Variants in PPP2R2C observed in about 807,000 individuals in gnomAD.
PPP2R2C encodes protein phosphatase 2 regulatory subunit Bgamma.
PPP2R2C carries 10 observed loss-of-function variants against 45.3 expected under a neutral mutation model. The observed-to-expected ratio is 0.22, with a 90% CI of 0.14 to 0.37. The LOEUF is 0.37. Ranked by LOEUF, PPP2R2C falls within the 10% of genes least tolerant of loss-of-function variation. The pLI, the probability that PPP2R2C is intolerant of heterozygous loss-of-function variation, is 1.00. For synonymous variants in PPP2R2C, 257 were observed against 245.4 expected, an observed-to-expected ratio of 1.05 and a Z score of -0.44; for missense variants, 308 against 619.7, an observed-to-expected ratio of 0.50 and a Z score of 5.34.
intron 2 of PPP2R2C, among the ~76,000 whole-genome samples, chr4:6,527,703 C>T (rs1472774805): frequency 6.6e-6 from 1 of 152,048 alleles, no homozygotes; most frequent in African/African-American, 2.4e-5. Context: ...CAGAATTTTC[C>T]AGGCCCGGTG....
At chr4:6,469,330 A>G (rs1721742186) in intron 1 of PPP2R2C, among the ~76,000 whole-genome samples, 1 of 152,174 alleles carries the variant, frequency 6.6e-6, no homozygotes, top group Non-Finnish European at 1.5e-5. Context: ...CCCTGAAGCA[A>G]GAAAGAAAAT....
chr4:6,420,903 T>C (rs1174234448), intron 1 of PPP2R2C: 3 of 976,440 alleles, frequency 3.1e-6, no homozygotes, highest in Non-Finnish European at 3.7e-6. Flanking sequence ...TGGTAGATGA[T>C]GTCCCATCAT....
chr4:6,384,317 T>C lies in PPP2R2C; in HGVS notation c.71-3223A>G, dbSNP rs915320643. 4.1e-6 allele frequency: 4 copies of C among 985,316 alleles called. No homozygotes were observed. In the African/African-American group the frequency reaches 7.0e-5, roughly 17 times the overall value. The allele number at this position is 985,316 out of a possible 1,614,324, so 61.0% of individuals were successfully genotyped here. On this transcript the variant is annotated intron_variant, in intron 1 of 8. Transcript: ENST00000382599. ...TGCTTGTAATGATCTACATCAGTGA[T>C]TATAGCCATGTGAAATAAGCAAAGA...
At chr4:6,544,431 C>T (rs947321043) in intron 1 of PPP2R2C, among the ~76,000 whole-genome samples, 1 of 152,210 alleles carries the variant, frequency 6.6e-6, no homozygotes, top group Admixed American at 6.5e-5. Context: ...CAGCCCCAAA[C>T]TCCTGGGCTC....
chr4:6,522,091 G>A (rs1173383068), intron 2 of PPP2R2C, among the ~76,000 whole-genome samples: 2 of 152,028 alleles, frequency 1.3e-5, no homozygotes, highest in Non-Finnish European at 2.9e-5. Context: ...GAAATGCACC[G>A]CTCCTGCCTG....
At chr4:6,341,320 T>G (rs564569884) in intron 6 of PPP2R2C, among the ~76,000 whole-genome samples, 9 of 118,938 alleles carry the variant, frequency 7.6e-5, no homozygotes, top group African/African-American at 3.0e-4. Flanking sequence ...GCCTGGGCAA[T>G]AGAATGAGAC....
chr4:6,431,344 T>C (rs1241524378), intron 1 of PPP2R2C, among the ~76,000 whole-genome samples: 8 of 152,218 alleles, frequency 5.3e-5, no homozygotes, highest in Non-Finnish European at 8.8e-5. Context: ...AAAGCTAATA[T>C]GAGGGGCTCC....
At chr4:6,521,226 T>G (rs924746058) in intron 2 of PPP2R2C, among the ~76,000 whole-genome samples, 2 of 152,218 alleles carry the variant, frequency 1.3e-5, no homozygotes, top group African/African-American at 4.8e-5. Context: ...GTTCCAGCCC[T>G]GTGCCCTAGG....
chr4:6,527,957 C>T (rs1424614423), intron 2 of PPP2R2C, among the ~76,000 whole-genome samples: 2 of 152,220 alleles, frequency 1.3e-5, no homozygotes, highest in East Asian at 3.9e-4. Context: ...GCCCAGACTC[C>T]AAGCCCCAGG....
chr4:6,445,689 A>G (rs991754519), intron 1 of PPP2R2C, among the ~76,000 whole-genome samples: 18 of 152,244 alleles, frequency 1.2e-4, no homozygotes, highest in African/African-American at 4.3e-4. Context: ...ACGGTACTCT[A>G]GTCTGGGTGA....
chr4:6,516,325 G>C (rs891835248), intron 2 of PPP2R2C, among the ~76,000 whole-genome samples: 1 of 152,222 alleles, frequency 6.6e-6, no homozygotes, highest in African/African-American at 2.4e-5. Context: ...CCTGAAAAGA[G>C]GATGATGACA....
intron 1 of PPP2R2C, among the ~76,000 whole-genome samples, chr4:6,450,694 G>T (rs933564370): frequency 6.6e-6 from 1 of 152,210 alleles, no homozygotes; most frequent in Non-Finnish European, 1.5e-5. Flanking sequence ...TTTGGTGTCT[G>T]CAGGCCTGGG....
chr4:6,382,638 C>G (rs1306700693), intron 1 of PPP2R2C: 188 of 97,564 alleles, frequency 1.9e-3, no homozygotes, highest in Non-Finnish European at 3.1e-3. Context: ...CTCTCTCTCT[C>G]TCTCTCTCTC....
intron 1 of PPP2R2C, among the ~76,000 whole-genome samples, chr4:6,401,213 C>A (rs570039091): frequency 2.0e-5 from 3 of 152,116 alleles, no homozygotes; most frequent in Non-Finnish European, 4.4e-5. Context: ...CTGAGAAAAA[C>A]CAACCCAGGT....
intron 2 of PPP2R2C, among the ~76,000 whole-genome samples, chr4:6,517,902 G>A (rs1167175358): frequency 6.6e-6 from 1 of 152,172 alleles, no homozygotes; most frequent in African/African-American, 2.4e-5. Flanking sequence ...ATAAAACTGA[G>A]GCTCAGCTAA....
intron 1 of PPP2R2C, chr4:6,381,476 A>C: frequency 7.3e-7 from 1 of 1,366,140 alleles, no homozygotes; most frequent in South Asian, 1.5e-5. Context: ...CCAGGCCCCC[A>C]TGCTCCAGCA....
At chr4:6,530,882 C>G (rs567426261) in intron 2 of PPP2R2C, among the ~76,000 whole-genome samples, 1 of 152,360 alleles carries the variant, frequency 6.6e-6, no homozygotes, top group East Asian at 1.9e-4. Flanking sequence ...TGGTTCTCCA[C>G]CAGGCTGCTG....
intron 1 of PPP2R2C, among the ~76,000 whole-genome samples, chr4:6,547,831 A>T (rs1020832908): frequency 6.6e-6 from 1 of 152,316 alleles, no homozygotes; most frequent in African/African-American, 2.4e-5. Context: ...ACACACCTAC[A>T]TGTGAAGCCT....
chr4:6,350,896 C>A (rs1338759660), intron 5 of PPP2R2C: 2 of 985,218 alleles, frequency 2.0e-6, no homozygotes, highest in Non-Finnish European at 2.4e-6. Flanking sequence ...GTGTTTGAGG[C>A]CTTGGAGACC....
Sources: gnomAD v4.1 joint callset for allele counts (sites outside exome capture counted in the v4.1 genomes callset) on GRCh38, gnomAD v4.1.1 for gene constraint, MANE v1.5 for transcripts, NCBI Gene and HGNC (gene_info 2026-07-23, HGNC 2026-07-21) for gene names.